Variants in DAPK3 observed in about 807,000 individuals in gnomAD.
DAPK3 encodes the protein death-associated protein kinase 3.
Under a neutral mutation model 30.6 loss-of-function variants are expected in DAPK3, and 24 were observed. The observed-to-expected ratio is 0.78, with a 90% CI of 0.57 to 1.10. The LOEUF (loss-of-function observed/expected upper bound fraction) is 1.10, where lower values mean the gene tolerates loss of function less well. DAPK3 is among the 50% of genes least tolerant of loss of function. The probability of loss-of-function intolerance (pLI) is 0.00; values close to 1 mark genes in which losing one functional copy is unlikely to be tolerated. For missense variants in DAPK3, 629 were observed against 657.3 expected, an observed-to-expected ratio of 0.96 and a Z score of 0.47; for synonymous variants, 341 against 284.0, an observed-to-expected ratio of 1.20 and a Z score of -2.02.
intron 2 of DAPK3, among the ~76,000 whole-genome samples, chr19:3,967,308 C>A (rs1009307991): frequency 3.3e-5 from 5 of 151,942 alleles, no homozygotes; most frequent in African/African-American, 1.2e-4. Context: ...AAACATTAGC[C>A]GGGCGTGCTG....
intron 2 of DAPK3, among the ~76,000 whole-genome samples, chr19:3,965,667 TG>T (rs376302598): frequency 8.2e-6 from 1 of 122,126 alleles, no homozygotes; most frequent in African/African-American, 3.2e-5. Flanking sequence ...TTTTTGTTTT[TG>T]TTTTGTTTTG....
chr19:3,962,787 C>CA (rs35117218), intron 6 of DAPK3, among the ~76,000 whole-genome samples: 26,360 of 68,080 alleles, frequency 0.39, 5,905 homozygotes, highest in Middle Eastern at 0.56. Context: ...AACTCTGTCT[C>CA]AAAAAAAAAA....
chr19:3,963,910 A>G lies in DAPK3; in HGVS notation c.563T>C (p.Ile188Thr). 5.0e-6 allele frequency: 8 copies of G among 1,602,310 alleles called. No individual in the cohort carries two copies. Among genetic ancestry groups the G allele is most frequent in the Non-Finnish European group, 6.8e-6 (8 of 1,170,588 alleles). The change falls in exon 5 of 9, where the codon ATT becomes ACT. Residue 188 changes from isoleucine (I) to threonine (T), a missense_variant. Ile to Thr is a moderately conservative substitution (Grantham distance 89). Around this residue, in one of 2 missense-constraint regions of DAPK3, gnomAD observed 306 missense variants for 378.5 expected, o/e 0.81. Transcript: ENST00000545797. ...FGTPEFVAPE[I>T]VNYEPLGLEA... is the part of the protein sequence containing the mutation. The stretch of plus-strand genomic sequence containing the variant: ...CAGGCCCAGCGGCTCATAGTTCACA[A>G]TCTCTGGGGCTGCAGAACAGGGAGA...
At chr19:3,959,895 C>T (rs1051764203) in intron 8 of DAPK3, 164 bp downstream of exon 8, 4 of 654,226 alleles carry the variant, frequency 6.1e-6, no homozygotes, top group South Asian at 5.3e-5. Context: ...GGACATCCCA[C>T]GCCCAGGACC....
intron 7 of DAPK3, among the ~76,000 whole-genome samples, chr19:3,960,510 C>A (rs974759657): frequency 1.3e-5 from 2 of 152,120 alleles, no homozygotes; most frequent in Non-Finnish European, 2.9e-5. Context: ...CGGTGTCTCA[C>A]GCCCGCAATC....
rs779691953 is a variant in DAPK3 at position 3,961,127 on chromosome 19, T to C, written c.664A>G (p.Lys222Glu). The C allele has an allele frequency of 6.2e-7, 1 of 1,613,390 alleles. No individual in the cohort carries two copies. Among genetic ancestry groups the C allele is most frequent in the Non-Finnish European group, 8.5e-7 (1 of 1,179,804 alleles). ...GAGATGTTGGTGAGCGTCTCCTGCT[T>C]GGTCTCGCCCAGGAACGGGGATGCA... is the stretch of plus-strand genomic sequence containing the variant. ...SGASPFLGETKQETLTNISAV... is the reference protein window; with the variant it reads ...SGASPFLGETEQETLTNISAV... The change falls in exon 7 of 9, where the codon AAG becomes GAG. Residue 222 changes from lysine (K) to glutamate (E), a missense_variant. Coordinates refer to ENST00000545797, the MANE Select transcript of DAPK3 (RefSeq NM_001348.3).
chr19:3,960,727 C>A lies in DAPK3; in HGVS notation c.782+282G>T, dbSNP rs368511725. On this transcript the variant is annotated intron_variant, in intron 7 of 8. Coordinates refer to ENST00000545797, the MANE Select transcript of DAPK3 (RefSeq NM_001348.3). ...CCGGGAGGCAGAGGCTGCAGTGAGC[C>A]GAGATCACGCCACTGCACTGCACTC... Among the ~76,000 whole-genome samples the A allele has an allele frequency of 6.4e-5, 9 of 140,966 alleles. No individual in the cohort carries two copies. The East Asian group carries it at 1.7e-3, about 27-fold the overall frequency. 92.5% of individuals were successfully genotyped at this position (140,966 alleles called of 152,430 possible). A position where few individuals can be genotyped will look rare whatever the true frequency, so the allele number is the denominator to read the frequency against.
At chr19:3,967,046 T>C (rs2039585408) in intron 2 of DAPK3, among the ~76,000 whole-genome samples, 1 of 152,180 alleles carries the variant, frequency 6.6e-6, no homozygotes, top group South Asian at 2.1e-4. Context: ...AGTGATGGTC[T>C]CAGGTGTCAC....
chr19:3,966,158 C>T (rs571785410), intron 2 of DAPK3, among the ~76,000 whole-genome samples: 19 of 152,254 alleles, frequency 1.2e-4, no homozygotes, highest in Non-Finnish European at 2.5e-4. Flanking sequence ...CAGTCAGTGG[C>T]GGGAGGATTC....
At chr19:3,969,214 C>T (rs1046381929) in intron 2 of DAPK3, among the ~76,000 whole-genome samples, 7 of 152,146 alleles carry the variant, frequency 4.6e-5, no homozygotes, top group Non-Finnish European at 4.4e-5. Context: ...TAGCTCACTG[C>T]AGCCTCCTCC....
chr19:3,964,814 G>A lies in DAPK3; in HGVS notation c.240C>T (p.His80=), dbSNP rs148551045. 7.3e-5 allele frequency: 117 copies of A among 1,612,184 alleles called. No homozygotes were observed. The highest frequency in any genetic ancestry group is 1.6e-4 in the Middle Eastern group (1 of 6,082). The change falls in exon 3 of 9, where the codon CAC becomes CAT. Residue 80 remains histidine, a synonymous_variant. Coordinates refer to ENST00000545797, the MANE Select transcript of DAPK3 (RefSeq NM_001348.3). Reference sequence around the variant, plus strand: ...CGTCCGTCTTGTTCTCGAAGATGTCGTGCAGGGTGATGATGTTGGGGTGCC... The same window carrying A: ...CGTCCGTCTTGTTCTCGAAGATGTCATGCAGGGTGATGATGTTGGGGTGCC... The part of the protein sequence containing the change: ...EIRHPNIITL[H]DIFENKTDVV...
At chr19:3,961,195 T>C (rs2039507393) in intron 6 of DAPK3, 34 bp from the exon 7 acceptor site, 1 of 1,586,912 alleles carries the variant, frequency 6.3e-7, no homozygotes, top group Non-Finnish European at 8.6e-7. Context: ...AGTGGGGTCC[T>C]GGGCTCCCAC....
At chr19:3,965,041 AGTGGGG>A (rs1415070709) in intron 2 of DAPK3, 50 bp from the exon 3 acceptor site, 1 of 1,012,388 alleles carries the variant, frequency 9.9e-7, no homozygotes, top group Non-Finnish European at 1.5e-6. Context: ...GGAGGGAGTA[AGTGGGG>A]GTGGCTGGCT....
intron 8 of DAPK3, 80 bp from the exon 9 acceptor site, chr19:3,959,717 G>A: frequency 7.1e-6 from 10 of 1,417,912 alleles, no homozygotes; most frequent in South Asian, 1.4e-5. Context: ...TGTGAACTGA[G>A]GTTCAGGGGC....
At position 3,960,061 on chromosome 19, in the gene DAPK3, T is replaced by A; in HGVS notation, c.826A>T (p.Lys276Ter). 1 of 1,548,710 alleles carries A rather than the reference T, an allele frequency of 6.5e-7. No individual in the cohort carries two copies. The change falls in exon 8 of 9, where the codon AAG becomes TAG. Residue 276 changes from lysine to a stop codon, truncating the protein, a stop_gained and splice_region_variant. Transcript: ENST00000545797. LOFTEE classifies it low-confidence loss of function (END_TRUNC). Reference sequence around the variant, plus strand: ...AGCTCCCCCACCTCCCCACTTACCTTAATCCAGGAATGTTCCAGGCTCTGG... The same window carrying A: ...AGCTCCCCCACCTCCCCACTTACCTAAATCCAGGAATGTTCCAGGCTCTGG... ...IAQSLEHSWI[K>*]AIRRRNVRGE...
At position 3,964,867 on chromosome 19, in the gene DAPK3, G is replaced by T; in HGVS notation, c.187C>A (p.Arg63=). ...RRGVSREEIE[R]EVNILREIRH... Reference sequence around the variant, plus strand: ...ATCTCCCGCAGGATGTTCACCTCCCGCTCGATCTCCTCCCGGCTCACCCCA... The same window carrying T: ...ATCTCCCGCAGGATGTTCACCTCCCTCTCGATCTCCTCCCGGCTCACCCCA... The change falls in exon 3 of 9, where the codon CGG becomes AGG. Residue 63 remains arginine (R), a synonymous_variant. Coordinates refer to ENST00000545797, the MANE Select transcript of DAPK3 (RefSeq NM_001348.3). 1 of 1,611,606 alleles carries T rather than the reference G, an allele frequency of 6.2e-7. No individual in the cohort carries two copies. Among genetic ancestry groups the T allele is most frequent in the Non-Finnish European group, 8.5e-7 (1 of 1,178,020 alleles).
intron 5 of DAPK3, 40 bp downstream of exon 5, chr19:3,963,831 G>A (rs2039545050): frequency 1.4e-6 from 2 of 1,429,656 alleles, no homozygotes; most frequent in Non-Finnish European, 9.8e-7. Context: ...TGCGCTCCAG[G>A]AATGCAGGGA....
At position 3,959,353 on chromosome 19, in the gene DAPK3, G is replaced by A. The variant is rs138075090; in HGVS notation, c.1113C>T (p.Ser371=). 2.1e-4 allele frequency: 338 copies of A among 1,585,746 alleles called. 1 individual carries two copies. The African/African-American group carries it at 4.1e-3, about 19-fold the overall frequency. The change falls in exon 9 of 9, where the codon AGC becomes AGT. Residue 371 remains serine, a synonymous_variant. Transcript: ENST00000545797. ...TCCGCAGGTCCTGGCCCAGGCTGTC[G>A]CTCTCCTCGCGGTACCAGGCCTCCT... ...EEKEAWYREE[S]DSLGQDLRRL...
In DAPK3 at chr19:3,964,976, G is replaced by C. The variant is rs767022591; in HGVS notation, c.78C>G (p.Ile26Met). Residue 26 changes from isoleucine to methionine, a missense_variant, in exon 3 of 9, where the codon ATC becomes ATG. By Grantham distance (10) the Ile-to-Met change is conservative. Transcript: ENST00000545797. ...TGCCCTTCTGCCGGCACTTCCGCAC[G>C]ATCGCAAACTGGCCGCTGGAGGAGG... ...GEELGSGQFA[I>M]VRKCRQKGTG... 5 of 1,601,578 alleles carry C rather than the reference G, an allele frequency of 3.1e-6. No homozygotes were observed. Among genetic ancestry groups the C allele is most frequent in the Admixed American group, 3.3e-5 (2 of 59,914 alleles).
Sources: gnomAD v4.1 joint callset for allele counts (sites outside exome capture counted in the v4.1 genomes callset) on GRCh38, gnomAD v4.1.1 for gene constraint, gnomAD v4.1.1 regional missense constraint, MANE v1.5 for transcripts, NCBI Gene and HGNC (gene_info 2026-07-23, HGNC 2026-07-21) for gene names.